MTHFS: variants seen among roughly 807,000 people sequenced by gnomAD.
The protein encoded by MTHFS is 5-formyltetrahydrofolate cyclo-ligase.
MTHFS carries 7 observed loss-of-function variants against 12.7 expected under a neutral mutation model. The observed-to-expected ratio is 0.55, with a 90% CI of 0.31 to 1.03. The LOEUF (loss-of-function observed/expected upper bound fraction) is 1.03. MTHFS is among the 50% of genes least tolerant of loss of function. MTHFS has a pLI of 0.05. For synonymous variants in MTHFS, 100 were observed against 97.1 expected, an observed-to-expected ratio of 1.03 and a Z score of -0.18; for missense variants, 252 against 258.1, an observed-to-expected ratio of 0.98 and a Z score of 0.16.
chr15:79,871,918 C>T lies in MTHFS; in HGVS notation c.379+17175G>A, dbSNP rs187086661. ...GGGAGATTGAAACCATCCTGGCCAA[C>T]ATGGTGAAACCCCATCTCTACCGAA... On this transcript the variant is annotated intron_variant, in intron 2 of 2. Transcript: ENST00000258874. Among the ~76,000 whole-genome samples the T allele has an allele frequency of 7.0e-4, 106 of 151,918 alleles. No individual in the cohort carries two copies. In the East Asian group the frequency reaches 0.019, roughly 27 times the overall value.
At chr15:79,845,639 T>C (rs1454077716) in intron 2 of MTHFS, among the ~76,000 whole-genome samples, 197 bp from the exon 3 acceptor site, 1 of 152,196 alleles carries the variant, frequency 6.6e-6, no homozygotes, top group Non-Finnish European at 1.5e-5. Context: ...AGTCTCTTAT[T>C]CATCCTCAAC....
chr15:79,888,006 G>A (rs566516213), intron 2 of MTHFS, among the ~76,000 whole-genome samples: 44 of 152,250 alleles, frequency 2.9e-4, no homozygotes, highest in African/African-American at 9.9e-4. Flanking sequence ...GAAACTGAGC[G>A]AAGACTGCAT....
chr15:79,882,984 T>C (rs1480460973), intron 2 of MTHFS, among the ~76,000 whole-genome samples: 1 of 152,234 alleles, frequency 6.6e-6, no homozygotes, highest in Non-Finnish European at 1.5e-5. Context: ...GCCAGGAGGA[T>C]TGCTTGAGGC....
At chr15:79,855,749 T>C (rs1255419725) in intron 2 of MTHFS, among the ~76,000 whole-genome samples, 2 of 152,166 alleles carry the variant, frequency 1.3e-5, no homozygotes, top group East Asian at 1.9e-4. Flanking sequence ...CTCCCACTTA[T>C]AAGTGAGAAC....
At chr15:79,869,763 A>G (rs1177228302) in intron 2 of MTHFS, among the ~76,000 whole-genome samples, 2 of 152,152 alleles carry the variant, frequency 1.3e-5, no homozygotes, top group Non-Finnish European at 2.9e-5. Flanking sequence ...AAAGATTAAT[A>G]ATTTTAAAAT....
chr15:79,870,774 T>A lies in MTHFS; in HGVS notation c.379+18319A>T, dbSNP rs182578332. Among the ~76,000 whole-genome samples, 3 of 152,310 alleles carry A rather than the reference T, an allele frequency of 2.0e-5. No individual in the cohort carries two copies. The East Asian group carries it at 5.8e-4, about 29-fold the overall frequency. On this transcript the variant is annotated intron_variant, in intron 2 of 2. Coordinates refer to ENST00000258874, the MANE Select transcript of MTHFS (RefSeq NM_006441.4). Reference sequence around the variant, plus strand: ...AATAATCGAATGTCAATGAAAAAAATTCTTTAAAGAATATACACATCTTTA... The same window carrying A: ...AATAATCGAATGTCAATGAAAAAAAATCTTTAAAGAATATACACATCTTTA...
intron 1 of MTHFS, chr15:79,896,654 A>G (rs994418149): frequency 2.4e-6 from 2 of 818,174 alleles, no homozygotes; most frequent in South Asian, 2.0e-5. Context: ...TAGCCCCACA[A>G]CTTTCACTAC....
Position 79,896,861 on chromosome 15 carries a change from C to T in MTHFS, c.117+11G>A. ...TGTCCGCCGCGGCTTCCGCTACGGG[C>T]GGCCTCGCACCTTCTGGCTCAGTAC... On this transcript the variant is annotated intron_variant, in intron 1 of 2. Transcript: ENST00000258874. 1.3e-6 allele frequency: 2 copies of T among 1,541,634 alleles called. No homozygotes were observed. Among genetic ancestry groups the T allele is most frequent in the Non-Finnish European group, 8.7e-7 (1 of 1,146,168 alleles).
intron 1 of MTHFS, 96 bp from the exon 2 acceptor site, chr15:79,889,450 T>A: frequency 7.3e-7 from 1 of 1,366,874 alleles, no homozygotes. Context: ...CTCCAATTTC[T>A]TTAAATATTA....
intron 2 of MTHFS, 128 bp downstream of exon 2, chr15:79,888,965 G>C (rs1219980814): frequency 7.1e-7 from 1 of 1,408,782 alleles, no homozygotes; most frequent in Non-Finnish European, 9.4e-7. Flanking sequence ...AGGTGTCTTG[G>C]AACGTAGGCA....
At chr15:79,865,629 G>A (rs960382699) in intron 2 of MTHFS, among the ~76,000 whole-genome samples, 9 of 152,134 alleles carry the variant, frequency 5.9e-5, no homozygotes, top group Non-Finnish European at 1.2e-4. Context: ...ATTTAACGAG[G>A]AAGACCACCT....
At chr15:79,855,382 A>C (rs1208792284) in intron 2 of MTHFS, among the ~76,000 whole-genome samples, 1 of 152,210 alleles carries the variant, frequency 6.6e-6, no homozygotes, top group South Asian at 2.1e-4. Flanking sequence ...AGTTGTTGAT[A>C]ATCAGATGGA....
intron 2 of MTHFS, among the ~76,000 whole-genome samples, chr15:79,869,477 CTG>C: frequency 6.6e-6 from 1 of 152,282 alleles, no homozygotes; most frequent in East Asian, 1.9e-4. Context: ...CAGTCTTGCT[CTG>C]TTGCCCAGGT....
intron 2 of MTHFS, among the ~76,000 whole-genome samples, chr15:79,861,056 A>ATCG (rs2033904343): frequency 6.6e-6 from 1 of 152,210 alleles, no homozygotes; most frequent in Non-Finnish European, 1.5e-5. Context: ...TGGAATAGTC[A>ATCG]TCGTCGTCAT....
chr15:79,891,566 G>A (rs1227016891), intron 1 of MTHFS, among the ~76,000 whole-genome samples: 1 of 152,060 alleles, frequency 6.6e-6, no homozygotes, highest in African/African-American at 2.4e-5. Context: ...GTGGAGTAGG[G>A]GAAAAGGCAA....
chr15:79,855,488 G>A (rs2033782252), intron 2 of MTHFS, among the ~76,000 whole-genome samples: 1 of 152,070 alleles, frequency 6.6e-6, no homozygotes, highest in Non-Finnish European at 1.5e-5. Flanking sequence ...TCTGTAAAAT[G>A]GGTGGATGGA....
chr15:79,896,831 G>C (rs1366506371), intron 1 of MTHFS, 41 bp downstream of exon 1: 1 of 1,538,184 alleles, frequency 6.5e-7, no homozygotes, highest in Admixed American at 2.0e-5. Context: ...GGCCTTCGGA[G>C]GGTCTGTCCG....
Position 79,849,682 on chromosome 15 carries a change from GAC to G in MTHFS, c.380-4242_380-4241del, listed in dbSNP as rs2033678217. ...CAAAGACTCATTAATAGCGTCCACT[GAC>G]AGTGCAATGTGCAAGAGCCAACCTG... is the stretch of plus-strand genomic sequence containing the variant. On this transcript the variant is annotated intron_variant, in intron 2 of 2. Transcript: ENST00000258874. Among the ~76,000 whole-genome samples, 3 of 152,388 alleles carry G rather than the reference GAC, an allele frequency of 2.0e-5. No individual in the cohort carries two copies. In the South Asian group the frequency reaches 6.2e-4, roughly 32 times the overall value.
chr15:79,894,943 AT>A (rs560132328), intron 1 of MTHFS, among the ~76,000 whole-genome samples: 3,302 of 151,790 alleles, frequency 0.022, 78 homozygotes, highest in South Asian at 0.032. Flanking sequence ...TGGTCTCCAT[AT>A]TTTTTTTCTT....
Sources: allele counts gnomAD v4.1 joint callset (sites outside exome capture counted in the v4.1 genomes callset), GRCh38; gene constraint gnomAD v4.1.1; transcripts MANE v1.5; gene names NCBI Gene and HGNC (gene_info 2026-07-23, HGNC 2026-07-21).